FAAH: variants seen among roughly 807,000 people sequenced by gnomAD.
The protein encoded by FAAH is fatty acid amide hydrolase.
FAAH carries 63 observed loss-of-function variants against 69.7 expected under a neutral mutation model. That is an observed-to-expected ratio of 0.90 (90% CI 0.74 to 1.12). The LOEUF (loss-of-function observed/expected upper bound fraction) is 1.12, where lower values mean the gene tolerates loss of function less well. Ranked by LOEUF, FAAH falls within the 50% of genes most tolerant of loss-of-function variation. FAAH has a pLI of 0.00. For synonymous variants in FAAH, 305 were observed against 324.2 expected, an observed-to-expected ratio of 0.94 and a Z score of 0.64; for missense variants, 680 against 755.0, an observed-to-expected ratio of 0.90 and a Z score of 1.16.
intron 1 of FAAH, 83 bp from the exon 2 acceptor site, chr1:46,402,008 G>T: frequency 8.5e-7 from 1 of 1,175,882 alleles, no homozygotes; most frequent in Non-Finnish European, 1.2e-6. Flanking sequence ...TGTCAGAGCT[G>T]CTGGGGCATG....
Position 46,411,931 on chromosome 1 carries a change from G to A in FAAH, c.1357-212G>A, listed in dbSNP as rs1664923299. On this transcript the variant is annotated intron_variant, in intron 12 of 14. Coordinates refer to ENST00000243167, the MANE Select transcript of FAAH (RefSeq NM_001441.3). The surrounding 1 kb of genome is among the most constrained non-coding windows in gnomAD (Gnocchi z 4.8). ...GTGTGGCTCCGCCTCAGCGGGAAGA[G>A]GTGTATCCACAATTCATTCTGGAGG... Among the ~76,000 whole-genome samples, 1 of 152,258 alleles carries A rather than the reference G, an allele frequency of 6.6e-6. No individual in the cohort carries two copies. Among genetic ancestry groups the A allele is most frequent in the Non-Finnish European group, 1.5e-5 (1 of 68,044 alleles).
rs999752460 is a variant in FAAH at position 46,410,155 on chromosome 1, G to A, written c.1176-243G>A. ...CCCTCAGTTCTTAGAGCTCTGAGCTGGGTTTGCTGGAGAGGGATACCCTGA... is the reference window on the plus strand; with the variant it reads ...CCCTCAGTTCTTAGAGCTCTGAGCTAGGTTTGCTGGAGAGGGATACCCTGA... On this transcript the variant is annotated intron_variant, in intron 9 of 14. Transcript: ENST00000243167. The surrounding 1 kb of genome is among the most constrained non-coding windows in gnomAD (Gnocchi z 4.9). 1.9e-6 allele frequency: 1 copy of A among 524,688 alleles called. No homozygotes were observed. Among genetic ancestry groups the A allele is most frequent in the Non-Finnish European group, 3.5e-6 (1 of 286,922 alleles). 32.5% of individuals were successfully genotyped at this position (524,688 alleles called of 1,614,324 possible).
At chr1:46,399,366 C>T (rs1344237134) in intron 1 of FAAH, among the ~76,000 whole-genome samples, 2 of 152,240 alleles carry the variant, frequency 1.3e-5, no homozygotes, top group Non-Finnish European at 2.9e-5. Flanking sequence ...ACTGATTGGT[C>T]TTCTGGAGGT....
At chr1:46,398,790 C>T (rs1174664630) in intron 1 of FAAH, among the ~76,000 whole-genome samples, 3 of 152,038 alleles carry the variant, frequency 2.0e-5, no homozygotes, top group African/African-American at 7.2e-5. Flanking sequence ...CTGCCTCGGC[C>T]TCCCAAAGTG....
chr1:46,402,954 A>G (rs985107253), intron 2 of FAAH, among the ~76,000 whole-genome samples: 1 of 152,044 alleles, frequency 6.6e-6, no homozygotes, highest in African/African-American at 2.4e-5. Context: ...CGGTCTCCCA[A>G]AGTGCTGGGG....
chr1:46,398,725 G>A (rs1664644463), intron 1 of FAAH, among the ~76,000 whole-genome samples: 1 of 152,004 alleles, frequency 6.6e-6, no homozygotes, highest in Admixed American at 6.5e-5. Context: ...GGTAGAGACA[G>A]GGTTTCGCCA....
rs539926451 is a variant in FAAH at position 46,394,692 on chromosome 1, C to T, written c.195+149C>T. On this transcript the variant is annotated intron_variant, in intron 1 of 14. Transcript: ENST00000243167. ...TCTCTCCTTGCCCTAAGATATTCCG[C>T]ACTTTCTGAGCCAGGTAGAGCACGG... The T allele has an allele frequency of 9.1e-5, 66 of 725,462 alleles. No individual in the cohort carries two copies. The Middle Eastern group carries it at 1.8e-3, about 20-fold the overall frequency. 44.9% of individuals were successfully genotyped at this position (725,462 alleles called of 1,614,324 possible).
intron 1 of FAAH, among the ~76,000 whole-genome samples, chr1:46,395,882 C>T (rs971415705): frequency 2.6e-5 from 4 of 152,172 alleles, no homozygotes; most frequent in African/African-American, 9.7e-5. Flanking sequence ...GCCAGCCCCT[C>T]CACACCTGTG....
Position 46,411,687 on chromosome 1 carries a change from G to T in FAAH, c.1356+36G>T, listed in dbSNP as rs374545524. On this transcript the variant is annotated intron_variant, in intron 12 of 14. Coordinates refer to ENST00000243167, the MANE Select transcript of FAAH (RefSeq NM_001441.3). The surrounding 1 kb of genome is among the most constrained non-coding windows in gnomAD (Gnocchi z 4.8). ...AGCCTCTGGATTGGAGCAGGGTGGT[G>T]GGGGGAGGGTGGAGTTGGACAGGGT... 33 of 1,611,200 alleles carry T rather than the reference G, an allele frequency of 2.0e-5. No homozygotes were observed. Among genetic ancestry groups the T allele is most frequent in the African/African-American group, 4.0e-5 (3 of 74,836 alleles).
chr1:46,407,361 T>A (rs1293101939), intron 7 of FAAH, among the ~76,000 whole-genome samples: 2 of 152,118 alleles, frequency 1.3e-5, no homozygotes, highest in African/African-American at 4.8e-5. Flanking sequence ...TTAATCCCCA[T>A]GTTAAGGATT....
At chr1:46,396,768 G>A (rs369828924) in intron 1 of FAAH, among the ~76,000 whole-genome samples, 1 of 152,194 alleles carries the variant, frequency 6.6e-6, no homozygotes, top group Non-Finnish European at 1.5e-5. Context: ...TCTTAGTACA[G>A]AACAAAATGG....
intron 8 of FAAH, 24 bp from the exon 9 acceptor site, chr1:46,409,077 C>G (rs771633969): frequency 6.3e-7 from 1 of 1,592,274 alleles, no homozygotes; most frequent in Admixed American, 1.7e-5. Flanking sequence ...GGTCAGGAGG[C>G]CTTACACCCC....
intron 2 of FAAH, among the ~76,000 whole-genome samples, 173 bp downstream of exon 2, chr1:46,402,377 G>C (rs566344844): frequency 2.0e-5 from 3 of 152,246 alleles, no homozygotes; most frequent in Non-Finnish European, 4.4e-5. Flanking sequence ...GGGAGGGAAG[G>C]AGCCAGAGCG....
At position 46,405,847 on chromosome 1, in the gene FAAH, G is replaced by T; in HGVS notation, c.785+53G>T. The T allele has an allele frequency of 6.2e-7, 1 of 1,608,930 alleles. No homozygotes were observed. The highest frequency in any genetic ancestry group is 8.5e-7 in the Non-Finnish European group (1 of 1,177,880). ...CCCCTCGCTGTGTGACCTTGGCCTA[G>T]CTTCCAACCTCTCTGGGCTCCAGGC... On this transcript the variant is annotated intron_variant, in intron 5 of 14. Transcript: ENST00000243167. This position sits in a 1 kb window ranked among gnomAD's most constrained non-coding sequence, Gnocchi z 4.1.
chr1:46,395,775 A>C (rs568622771), intron 1 of FAAH, among the ~76,000 whole-genome samples: 8 of 152,256 alleles, frequency 5.3e-5, no homozygotes, highest in African/African-American at 1.9e-4. Flanking sequence ...TGCCCGCTGC[A>C]CTCTGCAGCC....
chr1:46,394,423 G>A lies in FAAH; in HGVS notation c.75G>A (p.Ala25=), dbSNP rs1425558102. 2.2e-5 allele frequency: 33 copies of A among 1,471,032 alleles called. No individual in the cohort carries two copies. Among genetic ancestry groups the A allele is most frequent in the Non-Finnish European group, 2.9e-5 (32 of 1,114,862 alleles). The allele number at this position is 1,471,032 out of a possible 1,614,324, so 91.1% of individuals were successfully genotyped here. A position where few individuals can be genotyped will look rare whatever the true frequency, so the allele number is the denominator to read the frequency against. The change falls in exon 1 of 15, where the codon GCG becomes GCA. Residue 25 remains alanine (A), a synonymous_variant. Coordinates refer to ENST00000243167, the MANE Select transcript of FAAH (RefSeq NM_001441.3). ...GVALACCFVA[A]AVALRWSGRR... is the part of the protein sequence containing the mutation. ...CCCTGGCCTGCTGCTTCGTGGCGGC[G>A]GCCGTGGCCCTGCGCTGGTCCGGGC...
chr1:46,410,072 CAGGCTGTA>C lies in FAAH; in HGVS notation c.1176-325_1176-318del, dbSNP rs1664883055. 3.3e-5 allele frequency: 9 copies of C among 269,006 alleles called. No individual in the cohort carries two copies. The South Asian group carries it at 3.6e-4, about 11-fold the overall frequency. 16.7% of individuals were successfully genotyped at this position (269,006 alleles called of 1,614,324 possible). The stretch of plus-strand genomic sequence containing the variant: ...CCCTCGATTTCCCCACCTGTGCCTC[CAGGCTGTA>C]CCTCCCTAAGGGGAGGTACCCTCAG... On this transcript the variant is annotated intron_variant, in intron 9 of 14. Coordinates refer to ENST00000243167, the MANE Select transcript of FAAH (RefSeq NM_001441.3). The surrounding 1 kb of genome is among the most constrained non-coding windows in gnomAD (Gnocchi z 4.9).
Position 46,412,200 on chromosome 1 carries a change from A to AC in FAAH, c.1419dup (p.Met474HisfsTer42), listed in dbSNP as rs1044230725. On this transcript the variant is annotated frameshift_variant, in exon 13 of 15. Transcript: ENST00000243167. LOFTEE classifies it high-confidence loss of function. ...GGCGCTGGACCTGGATGTGGTGCTG[A>AC]CCCCCATGCTGGCCCCTGCTCTGGA... 33 of 1,563,332 alleles carry AC rather than the reference A, an allele frequency of 2.1e-5. No individual in the cohort carries two copies. The highest frequency in any genetic ancestry group is 2.4e-5 in the Non-Finnish European group (28 of 1,153,784).
rs767257628 is a variant in FAAH at position 46,413,697 on chromosome 1, T to C, written c.*122T>C. 5.6e-6 allele frequency: 8 copies of C among 1,436,100 alleles called. No homozygotes were observed. The highest frequency in any genetic ancestry group is 7.7e-6 in the Non-Finnish European group (8 of 1,040,578). 89.0% of individuals were successfully genotyped at this position (1,436,100 alleles called of 1,614,324 possible). On this transcript the variant is annotated 3_prime_UTR_variant, in exon 15 of 15. Transcript: ENST00000243167. The stretch of plus-strand genomic sequence containing the variant: ...ATGGGGCAGAGGCTTCCGTGTCCTC[T>C]CCCCCAACCCCCTGCAAGAAGCGCC...
Sources: gnomAD v4.1 joint callset for allele counts (sites outside exome capture counted in the v4.1 genomes callset) on GRCh38, gnomAD v4.1.1 for gene constraint, Gnocchi (gnomAD v3.1) non-coding constraint, MANE v1.5 for transcripts, NCBI Gene and HGNC (gene_info 2026-07-23, HGNC 2026-07-21) for gene names.